The following SGMS1 variants were observed in gnomAD, a reference collection of about 807,000 sequenced individuals.
SGMS1 encodes phosphatidylcholine:ceramide cholinephosphotransferase 1.
SGMS1 carries 13 observed loss-of-function variants against 46.2 expected under a neutral mutation model. That is an observed-to-expected ratio of 0.28 (90% confidence interval 0.18 to 0.45). The LOEUF (loss-of-function observed/expected upper bound fraction) is 0.45, where lower values mean the gene tolerates loss of function less well. Among genes scored for constraint, SGMS1 ranks in the 20% least tolerant of loss-of-function variants. SGMS1 has a pLI of 1.00. For missense variants in SGMS1, 324 were observed against 519.9 expected, an observed-to-expected ratio of 0.62 and a Z score of 3.66; for synonymous variants, 203 against 187.8, an observed-to-expected ratio of 1.08 and a Z score of -0.66.
chr10:50,473,945 T>C (rs1187123910), intron 3 of SGMS1: 2 of 152,242 alleles, frequency 1.3e-5, no homozygotes, highest in African/African-American at 4.8e-5. Flanking sequence ...CCAATCAGTT[T>C]TGCTGCTGCA....
At chr10:50,309,260 C>G (rs1847219817) in intron 9 of SGMS1, among the ~76,000 whole-genome samples, 1 of 152,098 alleles carries the variant, frequency 6.6e-6, no homozygotes, top group Non-Finnish European at 1.5e-5. Flanking sequence ...AATACAAAAA[C>G]AAGAAACAGC....
intron 8 of SGMS1, among the ~76,000 whole-genome samples, chr10:50,324,265 T>C (rs957292112): frequency 6.6e-6 from 1 of 152,230 alleles, no homozygotes; most frequent in Non-Finnish European, 1.5e-5. Context: ...AGTGGTTGTG[T>C]AAGACTGTCT....
At chr10:50,576,371 C>T (rs183353815) in intron 2 of SGMS1, among the ~76,000 whole-genome samples, 1 of 152,216 alleles carries the variant, frequency 6.6e-6, no homozygotes. Context: ...AGCCCCTGAT[C>T]GAGTACACTC....
At chr10:50,606,667 G>A (rs1225897349) in intron 1 of SGMS1, among the ~76,000 whole-genome samples, 1 of 152,204 alleles carries the variant, frequency 6.6e-6, no homozygotes, top group Non-Finnish European at 1.5e-5. Flanking sequence ...AAGCTAAAGA[G>A]CAGGATGCAT....
At chr10:50,381,605 T>A (rs879939396) in intron 6 of SGMS1, among the ~76,000 whole-genome samples, 8 of 152,204 alleles carry the variant, frequency 5.3e-5, no homozygotes, top group Non-Finnish European at 1.2e-4. Context: ...ATGATGAAAA[T>A]GATGATTCTA....
chr10:50,534,997 G>A (rs1199166911), intron 2 of SGMS1, among the ~76,000 whole-genome samples: 1 of 152,206 alleles, frequency 6.6e-6, no homozygotes, highest in African/African-American at 2.4e-5. Context: ...ACTCTGGGAG[G>A]CCGAGGCGGT....
chr10:50,463,194 C>T (rs1837288796), intron 4 of SGMS1, among the ~76,000 whole-genome samples: 1 of 152,048 alleles, frequency 6.6e-6, no homozygotes, highest in African/African-American at 2.4e-5. Context: ...AATGGGACTA[C>T]ATCAAACTTA....
chr10:50,321,321 T>G (rs1220497257), intron 8 of SGMS1, among the ~76,000 whole-genome samples: 1 of 152,156 alleles, frequency 6.6e-6, no homozygotes, highest in African/African-American at 2.4e-5. Context: ...GGGTCATGAG[T>G]GGTTCTAAAA....
At chr10:50,615,858 T>A (rs1838791576) in intron 1 of SGMS1, among the ~76,000 whole-genome samples, 1 of 152,200 alleles carries the variant, frequency 6.6e-6, no homozygotes, top group South Asian at 2.1e-4. Context: ...ACTTCACCTC[T>A]AATTATATAC....
At chr10:50,430,910 A>G (rs1482398233) in intron 6 of SGMS1, among the ~76,000 whole-genome samples, 3 of 152,134 alleles carry the variant, frequency 2.0e-5, no homozygotes, top group African/African-American at 7.2e-5. Flanking sequence ...TATATCAACA[A>G]ACATGAGTTT....
At chr10:50,361,848 C>A (rs191361867) in intron 6 of SGMS1, among the ~76,000 whole-genome samples, 1 of 152,344 alleles carries the variant, frequency 6.6e-6, no homozygotes, top group East Asian at 1.9e-4. Context: ...AGCTCCAAGG[C>A]CTTCCATGAC....
chr10:50,505,984 G>A (rs1029517403), intron 3 of SGMS1, among the ~76,000 whole-genome samples: 4 of 152,108 alleles, frequency 2.6e-5, no homozygotes, highest in Non-Finnish European at 5.9e-5. Context: ...GCTCAGGCCT[G>A]AAACTGAGCT....
chr10:50,560,676 A>G (rs951531821), intron 2 of SGMS1, among the ~76,000 whole-genome samples: 9 of 149,230 alleles, frequency 6.0e-5, no homozygotes, highest in African/African-American at 1.7e-4. Context: ...CACATATTAC[A>G]TAATATATGT....
chr10:50,603,802 C>G (rs541054986), intron 1 of SGMS1, among the ~76,000 whole-genome samples: 1 of 152,148 alleles, frequency 6.6e-6, no homozygotes, highest in Non-Finnish European at 1.5e-5. Context: ...TATCTTTAAA[C>G]ACTTGTGACT....
chr10:50,464,131 A>G (rs780752540), intron 4 of SGMS1, among the ~76,000 whole-genome samples: 1 of 152,208 alleles, frequency 6.6e-6, no homozygotes, highest in African/African-American at 2.4e-5. Context: ...TACATAGTTA[A>G]CACTACTGTA....
chr10:50,620,088 T>C (rs1447333020), intron 1 of SGMS1, among the ~76,000 whole-genome samples: 1 of 152,240 alleles, frequency 6.6e-6, no homozygotes, highest in Non-Finnish European at 1.5e-5. Flanking sequence ...GCAGCTTTAC[T>C]GAATCCAGAA....
intron 6 of SGMS1, among the ~76,000 whole-genome samples, chr10:50,364,267 T>C (rs971991281): frequency 6.6e-6 from 1 of 152,100 alleles, no homozygotes; most frequent in Non-Finnish European, 1.5e-5. Context: ...AGAGAAAATT[T>C]AAAAAAATTA....
intron 6 of SGMS1, among the ~76,000 whole-genome samples, chr10:50,392,400 T>A (rs1848785865): frequency 6.6e-6 from 1 of 152,182 alleles, no homozygotes; most frequent in African/African-American, 2.4e-5. Flanking sequence ...CATCATGACT[T>A]AGATTTGAGT....
chr10:50,573,333 C>G (rs980383955), intron 2 of SGMS1, among the ~76,000 whole-genome samples: 1 of 151,946 alleles, frequency 6.6e-6, no homozygotes, highest in Non-Finnish European at 1.5e-5. Context: ...AAGATCCTAC[C>G]AAAAAACTGT....
Sources: gnomAD v4.1 joint callset for allele counts (sites outside exome capture counted in the v4.1 genomes callset) on GRCh38, gnomAD v4.1.1 for gene constraint, MANE v1.5 for transcripts, NCBI Gene and HGNC (gene_info 2026-07-23, HGNC 2026-07-21) for gene names.